Variants in PCBP3 observed in about 807,000 individuals in gnomAD.
PCBP3 encodes poly(rC) binding protein 3, also known as poly(rC)-binding protein 3.
Under a neutral mutation model 52.7 loss-of-function variants are expected in PCBP3, and 25 were observed. The observed-to-expected ratio is 0.47, with a 90% CI of 0.35 to 0.66. PCBP3 has a LOEUF of 0.66. PCBP3 is among the 30% of genes least tolerant of loss of function. The pLI is 0.01. For missense variants in PCBP3, 391 were observed against 490.3 expected, an observed-to-expected ratio of 0.80 and a Z score of 1.91; for synonymous variants, 162 against 183.0, an observed-to-expected ratio of 0.89 and a Z score of 0.93.
intron 5 of PCBP3, among the ~76,000 whole-genome samples, chr21:45,865,101 A>G (rs990538847): frequency 6.6e-6 from 1 of 152,218 alleles, no homozygotes; most frequent in South Asian, 2.1e-4. Flanking sequence ...GAAGAATTTA[A>G]TGTTTTTCAT....
At chr21:45,907,065 C>T (rs1333555013) in intron 9 of PCBP3, among the ~76,000 whole-genome samples, 3 of 152,236 alleles carry the variant, frequency 2.0e-5, no homozygotes, top group Admixed American at 6.5e-5. Context: ...GGAGGCCGGC[C>T]GCCCGTTCCT....
At chr21:45,859,475 T>G (rs889829866) in intron 5 of PCBP3, among the ~76,000 whole-genome samples, 1 of 152,184 alleles carries the variant, frequency 6.6e-6, no homozygotes, top group Admixed American at 6.5e-5. Flanking sequence ...GGAGGAAAAC[T>G]CCCAGGTTGC....
intron 4 of PCBP3, among the ~76,000 whole-genome samples, chr21:45,783,010 C>T (rs2090761277): frequency 6.6e-6 from 1 of 152,230 alleles, no homozygotes; most frequent in African/African-American, 2.4e-5. Flanking sequence ...AGACTGATCT[C>T]ATATAATGAC....
Position 45,656,409 on chromosome 21 carries a change from C to G in PCBP3, c.-278-12465C>G, listed in dbSNP as rs1230382938. Among the ~76,000 whole-genome samples the G allele has an allele frequency of 2.0e-5, 3 of 152,094 alleles. No homozygotes were observed. Among genetic ancestry groups the G allele is most frequent in the Admixed American group, 6.5e-5 (1 of 15,270 alleles). ...AACACAAGAACAGAAAACCAAACAC[C>G]GCATGTTCTCACTCATAAGTGGGAG... On this transcript the variant is annotated intron_variant, in intron 1 of 17. Transcript: ENST00000681687. This position sits in a 1 kb window ranked among gnomAD's most constrained non-coding sequence, Gnocchi z 4.3.
rs1299218630 is a variant in PCBP3, at chr21:45,805,524, A to G, written c.-125-44437A>G. On this transcript the variant is annotated intron_variant, in intron 4 of 17. Transcript: ENST00000681687. This position sits in a 1 kb window ranked among gnomAD's most constrained non-coding sequence, Gnocchi z 4.6. ...GGGGCCACCTGGGTTGGTGCCAACG[A>G]GGTGCTCAGAGGCCTTGTGGGCAGT... is the stretch of plus-strand genomic sequence containing the variant. Among the ~76,000 whole-genome samples the G allele has an allele frequency of 1.3e-5, 2 of 152,114 alleles. No individual in the cohort carries two copies. Among genetic ancestry groups the G allele is most frequent in the African/African-American group, 4.8e-5 (2 of 41,434 alleles).
chr21:45,784,452 A>G (rs1202051894), intron 4 of PCBP3, among the ~76,000 whole-genome samples: 1 of 141,990 alleles, frequency 7.0e-6, no homozygotes, highest in Non-Finnish European at 1.5e-5. Context: ...CCTACCTCCT[A>G]CCTCCTACCT....
chr21:45,898,106 G>A (rs1035405659), intron 6 of PCBP3, among the ~76,000 whole-genome samples: 6 of 152,182 alleles, frequency 3.9e-5, no homozygotes, highest in Non-Finnish European at 8.8e-5. Context: ...AGAGGGACCT[G>A]CCTCTCCAAC....
At chr21:45,774,250 T>C (rs2090087603) in intron 4 of PCBP3, among the ~76,000 whole-genome samples, 1 of 151,338 alleles carries the variant, frequency 6.6e-6, no homozygotes, top group Non-Finnish European at 1.5e-5. Context: ...TAAAAAAAAA[T>C]GCAAAAATTA....
In PCBP3 at chr21:45,643,760, G is replaced by C. The variant is rs1243398043; in HGVS notation, c.-387G>C. Reference sequence around the variant, plus strand: ...CCTCAGCCGCGGTCGCCGCCGCTTCGGCTGACTTAGGCTCCGCCGCCGCCT... The same window carrying C: ...CCTCAGCCGCGGTCGCCGCCGCTTCCGCTGACTTAGGCTCCGCCGCCGCCT... On this transcript the variant is annotated 5_prime_UTR_variant, in exon 1 of 18. Transcript: ENST00000681687. 3 of 148,274 alleles carry C rather than the reference G, an allele frequency of 2.0e-5. No individual in the cohort carries two copies. The highest frequency in any genetic ancestry group is 1.3e-4 in the Admixed American group (2 of 14,956). The allele number at this position is 148,274 out of a possible 1,614,324, so 9.2% of individuals were successfully genotyped here.
In PCBP3 at chr21:45,744,121, T is replaced by TATATATATATACATATGTATGTATATAAC. The variant is rs1355250117; in HGVS notation, c.-162+8701_-162+8729dup. 2.8e-4 allele frequency: 43 copies of TATATATATATACATATGTATGTATATAAC among 151,190 alleles called. No individual in the cohort carries two copies. The East Asian group carries it at 3.5e-3, about 12-fold the overall frequency. 9.4% of individuals were successfully genotyped at this position (151,190 alleles called of 1,614,324 possible). A position where few individuals can be genotyped will look rare whatever the true frequency, so the allele number is the denominator to read the frequency against. The stretch of plus-strand genomic sequence containing the variant: ...TAGGTAAAAATGTGTATATGTTTTA[T>TATATATATATACATATGTATGTATATAAC]ATATATATATACATATGTATGTATA... On this transcript the variant is annotated intron_variant, in intron 3 of 17. Transcript: ENST00000681687.
At chr21:45,782,786 A>G (rs1181413194) in intron 4 of PCBP3, among the ~76,000 whole-genome samples, 1 of 152,268 alleles carries the variant, frequency 6.6e-6, no homozygotes, top group African/African-American at 2.4e-5. Context: ...GACAAAAAAA[A>G]TCTTAAAAGC....
chr21:45,867,764 C>G (rs1194095655), intron 5 of PCBP3, among the ~76,000 whole-genome samples: 1 of 152,276 alleles, frequency 6.6e-6, no homozygotes, highest in African/African-American at 2.4e-5. Flanking sequence ...AAGACTCGCC[C>G]TCCTGGACGC....
In PCBP3 at chr21:45,802,526, G is replaced by T. The variant is rs573344242; in HGVS notation, c.-126+47074G>T. 6.6e-6 allele frequency among the ~76,000 whole-genome samples: 1 copy of T among 152,354 alleles called. No individual in the cohort carries two copies. The highest frequency in any genetic ancestry group is 1.9e-4 in the East Asian group (1 of 5,190). On this transcript the variant is annotated intron_variant, in intron 4 of 17. Coordinates refer to ENST00000681687, the MANE Select transcript of PCBP3 (RefSeq NM_001384156.1). The surrounding 1 kb of genome is among the most constrained non-coding windows in gnomAD (Gnocchi z 5.1). ...GGGCTCTGCAGAGACGGCTCTGAGA[G>T]CAAAAGTGAGCCATGCTGGAGAAGG...
intron 6 of PCBP3, among the ~76,000 whole-genome samples, chr21:45,896,566 A>G (rs1054340862): frequency 6.7e-4 from 98 of 146,532 alleles, no homozygotes; most frequent in Admixed American, 9.5e-4. Flanking sequence ...TTGTCTCTGT[A>G]GGAAAGGCGG....
At chr21:45,649,442 A>T (rs555286812) in intron 1 of PCBP3, among the ~76,000 whole-genome samples, 43 of 152,184 alleles carry the variant, frequency 2.8e-4, no homozygotes, top group Non-Finnish European at 5.4e-4. Context: ...CTTAGAACTT[A>T]TTTTTGTGTG....
chr21:45,923,487 G>T (rs539001334), intron 13 of PCBP3, among the ~76,000 whole-genome samples: 12 of 152,282 alleles, frequency 7.9e-5, no homozygotes, highest in Non-Finnish European at 1.8e-4. Flanking sequence ...CCCTCTGCAG[G>T]GCCCCAGTGG....
chr21:45,643,790 A>G lies in PCBP3; in HGVS notation c.-357A>G, dbSNP rs1328981859. ...ACTTAGGCTCCGCCGCCGCCTCCTCACCCGCCTCGCCCCGACCCCGCCCGG... is the reference window on the plus strand; with the variant it reads ...ACTTAGGCTCCGCCGCCGCCTCCTCGCCCGCCTCGCCCCGACCCCGCCCGG... On this transcript the variant is annotated 5_prime_UTR_variant, in exon 1 of 18. Transcript: ENST00000681687. 1 of 141,954 alleles carries G rather than the reference A, an allele frequency of 7.0e-6. No homozygotes were observed. Among genetic ancestry groups the G allele is most frequent in the Non-Finnish European group, 1.5e-5 (1 of 64,548 alleles). 8.8% of individuals were successfully genotyped at this position (141,954 alleles called of 1,614,324 possible).
In PCBP3 at chr21:45,909,363, C is replaced by T. The variant is rs934854756; in HGVS notation, c.348C>T (p.Ile116=). The change falls in exon 10 of 18, where the codon ATC becomes ATT. Residue 116 remains isoleucine, a synonymous_variant. Transcript: ENST00000681687. ...MIAYKFEEDI[I]NSMSNSPATS... ...ACGTGTCTCTCCCCTAGGATATCAT[C>T]AACTCCATGAGCAACAGCCCTGCCA... The T allele has an allele frequency of 2.6e-5, 42 of 1,612,516 alleles. No individual in the cohort carries two copies. Among genetic ancestry groups the T allele is most frequent in the Admixed American group, 1.2e-4 (7 of 59,956 alleles).
At chr21:45,722,968 C>G (rs528215723) in intron 2 of PCBP3, among the ~76,000 whole-genome samples, 15 of 151,302 alleles carry the variant, frequency 9.9e-5, no homozygotes, top group Admixed American at 9.9e-4. Flanking sequence ...GAGCTGATAG[C>G]GCACCACTGC....
Sources: gnomAD v4.1 joint callset for allele counts (sites outside exome capture counted in the v4.1 genomes callset) on GRCh38, gnomAD v4.1.1 for gene constraint, Gnocchi (gnomAD v3.1) non-coding constraint, MANE v1.5 for transcripts, NCBI Gene and HGNC (gene_info 2026-07-23, HGNC 2026-07-21) for gene names.